The following ZBBX variants were observed in gnomAD, a reference collection of about 807,000 sequenced individuals.
ZBBX encodes zinc finger B-box domain containing, also known as zinc finger B-box domain-containing protein 1.
Under a neutral mutation model 108.5 loss-of-function variants are expected in ZBBX, and 101 were observed. The observed-to-expected ratio is 0.93, with a 90% CI of 0.79 to 1.10. ZBBX has a LOEUF of 1.10. Ranked by LOEUF, ZBBX falls within the 50% of genes least tolerant of loss-of-function variation. The pLI, the probability that ZBBX is intolerant of heterozygous loss-of-function variation, is 0.00. For synonymous variants in ZBBX, 356 were observed against 323.4 expected, an observed-to-expected ratio of 1.10 and a Z score of -1.08; for missense variants, 1,009 against 941.4, an observed-to-expected ratio of 1.07 and a Z score of -0.94.
the ZBBX span, among the ~76,000 whole-genome samples, chr3:167,220,283 A>G: frequency 6.6e-6 from 1 of 152,016 alleles, no homozygotes; most frequent in Admixed American, 6.6e-5. Context: ...ACACATCAAA[A>G]AAAGAAAACT....
chr3:167,343,402 C>T (rs989545660), intron 9 of ZBBX, among the ~76,000 whole-genome samples: 4 of 151,788 alleles, frequency 2.6e-5, no homozygotes, highest in African/African-American at 9.7e-5. Flanking sequence ...TACATTCTCC[C>T]AACTCTTCAT....
At chr3:167,309,635 G>C (rs1292978189) in intron 16 of ZBBX, among the ~76,000 whole-genome samples, 1 of 152,178 alleles carries the variant, frequency 6.6e-6, no homozygotes, top group Non-Finnish European at 1.5e-5. Flanking sequence ...ACTGCACTTG[G>C]AGCCACTGGG....
At chr3:167,338,793 T>C (rs1159044301) in intron 9 of ZBBX, among the ~76,000 whole-genome samples, 6 of 152,078 alleles carry the variant, frequency 3.9e-5, no homozygotes, top group Non-Finnish European at 1.5e-5. Flanking sequence ...GATACACACA[T>C]ATACACACAG....
rs1304872203 is a variant in ZBBX, at chr3:167,254,918, G to GAGAATGAGAGAGAGAGAGAA, written c.2255-12276_2255-12275insTTCTCTCTCTCTCTCATTCT. ...AGAGAGAGAATGAGAGAGAGAGAGA[G>GAGAATGAGAGAGAGAGAGAA]AAAGGGAGAGAGAGAGACAGAGAAT... On this transcript the variant is annotated intron_variant, in intron 20 of 21. Coordinates refer to ENST00000675490, the MANE Select transcript of ZBBX (RefSeq NM_001199201.2). Among the ~76,000 whole-genome samples the GAGAATGAGAGAGAGAGAGAA allele has an allele frequency of 8.5e-3, 1,294 of 151,670 alleles. 28 individuals carry two copies. Among genetic ancestry groups the GAGAATGAGAGAGAGAGAGAA allele is most frequent in the African/African-American group, 0.03 (1,219 of 41,274 alleles).
At chr3:167,300,375 T>C (rs1414680717) in intron 17 of ZBBX, among the ~76,000 whole-genome samples, 1 of 152,078 alleles carries the variant, frequency 6.6e-6, no homozygotes, top group Non-Finnish European at 1.5e-5. Context: ...ACAATAACCA[T>C]GTAAGCCATT....
chr3:167,264,123 T>C (rs1243322096), intron 20 of ZBBX, among the ~76,000 whole-genome samples: 2 of 152,224 alleles, frequency 1.3e-5, no homozygotes, highest in African/African-American at 4.8e-5. Flanking sequence ...AAGTTTCTTA[T>C]AGGCAACACA....
chr3:167,210,083 T>G, the ZBBX span, among the ~76,000 whole-genome samples: 1 of 148,570 alleles, frequency 6.7e-6, no homozygotes. Context: ...GAGTGAGACT[T>G]GGTCTTAAAA....
At chr3:167,351,548 T>C (rs1268747343) in intron 8 of ZBBX, among the ~76,000 whole-genome samples, 2 of 152,086 alleles carry the variant, frequency 1.3e-5, no homozygotes, top group Non-Finnish European at 2.9e-5. Context: ...TTTCCAATGC[T>C]CCTCATTCCT....
intron 16 of ZBBX, among the ~76,000 whole-genome samples, chr3:167,310,266 C>CAA (rs1037160194): frequency 3.9e-5 from 6 of 152,164 alleles, no homozygotes; most frequent in Non-Finnish European, 7.4e-5. Context: ...AATCATTCAA[C>CAA]AAGTCTCTAG....
At chr3:167,318,643 A>C (rs1160761093) in intron 12 of ZBBX, among the ~76,000 whole-genome samples, 1 of 151,968 alleles carries the variant, frequency 6.6e-6, no homozygotes, top group Non-Finnish European at 1.5e-5. Flanking sequence ...GCCAATTGTT[A>C]ATTAGAAAAA....
chr3:167,200,670 G>A, the ZBBX span, among the ~76,000 whole-genome samples: 12 of 152,150 alleles, frequency 7.9e-5, no homozygotes, highest in Admixed American at 7.2e-4. Flanking sequence ...GAGAATATGT[G>A]TGAATAATGA....
At chr3:167,323,158 T>A (rs1384761669) in intron 11 of ZBBX, among the ~76,000 whole-genome samples, 1 of 143,906 alleles carries the variant, frequency 6.9e-6, no homozygotes, top group African/African-American at 2.5e-5. Flanking sequence ...CATGAGCAAG[T>A]CATGAGAGAG....
chr3:167,338,408 A>G (rs946480865), intron 9 of ZBBX, among the ~76,000 whole-genome samples: 2 of 152,184 alleles, frequency 1.3e-5, no homozygotes, highest in Non-Finnish European at 2.9e-5. Flanking sequence ...GAAAAATGAT[A>G]TACTTTATGG....
At chr3:167,238,708 A>G (rs1193958311), downstream of ZBBX, among the ~76,000 whole-genome samples, 1 of 152,070 alleles carries the variant, frequency 6.6e-6, no homozygotes, top group African/African-American at 2.4e-5. Context: ...CAAACTCCAT[A>G]AGGGAAAACT....
chr3:167,313,309 C>A (rs1213532959), intron 16 of ZBBX, among the ~76,000 whole-genome samples: 2 of 152,062 alleles, frequency 1.3e-5, no homozygotes, highest in African/African-American at 4.8e-5. Flanking sequence ...GAGTTTTGCT[C>A]TTGTCGCCTA....
the ZBBX span, among the ~76,000 whole-genome samples, chr3:167,179,440 TGCA>T: frequency 6.6e-6 from 1 of 152,256 alleles, no homozygotes; most frequent in African/African-American, 2.4e-5. Flanking sequence ...TTTGATTCCC[TGCA>T]GTCAAAGGTC....
At chr3:167,282,534 A>G in intron 19 of ZBBX, 39 bp from the exon 20 acceptor site, 1 of 1,553,164 alleles carries the variant, frequency 6.4e-7, no homozygotes, top group Non-Finnish European at 8.8e-7. Flanking sequence ...TCAACTTTTA[A>G]AAATTTGAAT....
intron 10 of ZBBX, 30 bp from the exon 11 acceptor site, chr3:167,328,146 A>C (rs1209353125): frequency 1.3e-6 from 2 of 1,569,576 alleles, no homozygotes; most frequent in Non-Finnish European, 1.7e-6. Flanking sequence ...GGCATGCTTT[A>C]TTAAATTTTC....
At chr3:167,314,378 A>G (rs1042635474) in intron 15 of ZBBX, among the ~76,000 whole-genome samples, 1 of 152,186 alleles carries the variant, frequency 6.6e-6, no homozygotes, top group Non-Finnish European at 1.5e-5. Context: ...TTTCCAAAAT[A>G]TATTGAAATA....
Sources: allele counts gnomAD v4.1 joint callset (sites outside exome capture counted in the v4.1 genomes callset), GRCh38; gene constraint gnomAD v4.1.1; transcripts MANE v1.5; gene names NCBI Gene and HGNC (gene_info 2026-07-23, HGNC 2026-07-21).